The following COIL variants were observed in gnomAD, a reference collection of about 807,000 sequenced individuals.
COIL encodes coilin p80.
A neutral mutation model predicts 51.6 loss-of-function variants in COIL; 28 were observed. That is an observed-to-expected ratio of 0.54 (90% confidence interval 0.40 to 0.74). The LOEUF (loss-of-function observed/expected upper bound fraction) is 0.74, where lower values mean the gene tolerates loss of function less well. Ranked by LOEUF, COIL falls within the 30% of genes least tolerant of loss-of-function variation. COIL has a pLI of 0.00. For missense variants in COIL, 667 were observed against 685.9 expected (o/e 0.97, Z 0.31); for synonymous variants, 233 against 255.8 (o/e 0.91, Z 0.85).
chr17:56,954,837 A>G (rs1168775371), intron 1 of COIL, among the ~76,000 whole-genome samples: 1 of 151,956 alleles, frequency 6.6e-6, no homozygotes, highest in African/African-American at 2.4e-5. Context: ...TAAGATTGAG[A>G]GGCAAAATAC....
In COIL at chr17:56,949,944, T is replaced by C; in HGVS notation, c.1298A>G (p.Asn433Ser). 1 of 1,614,074 alleles carries C rather than the reference T, an allele frequency of 6.2e-7. No homozygotes were observed. Among genetic ancestry groups the C allele is most frequent in the South Asian group, 1.1e-5 (1 of 91,078 alleles). Residue 433 changes from asparagine (N) to serine (S), a missense_variant, in exon 2 of 7, where the codon AAC (asparagine) becomes AGC (serine). Transcript: ENST00000240316. ...VSCVVNRSTD[N>S]QRQQQLNDVV... The stretch of plus-strand genomic sequence containing the variant: ...GTCATTTAATTGCTGTTGCCTCTGG[T>C]TGTCAGTGCTTCTATTTACAACACA...
Position 56,960,804 on chromosome 17 carries a change from C to A in COIL, c.216G>T (p.Ala72=), listed in dbSNP as rs1157729666. 3 of 1,591,836 alleles carry A rather than the reference C, an allele frequency of 1.9e-6. No individual in the cohort carries two copies. Among genetic ancestry groups the A allele is most frequent in the South Asian group, 2.3e-5 (2 of 88,596 alleles). ...EGGLLPPAES[A]RLVRDNDCLR... ...GGCAGTCGTTGTCTCTCACAAGGCG[C>A]GCGCTCTCGGCGGGGGGCAAGAGCC... The change falls in exon 1 of 7, where the codon GCG becomes GCT. Residue 72 remains alanine, a synonymous_variant. Transcript: ENST00000240316.
intron 1 of COIL, chr17:56,952,280 A>T (rs971603834): frequency 4.1e-6 from 2 of 485,824 alleles, no homozygotes; most frequent in African/African-American, 3.9e-5. Flanking sequence ...GAAAAATGGC[A>T]GAATAACCTG....
chr17:56,948,994 C>T (rs140605543), intron 4 of COIL, among the ~76,000 whole-genome samples: 1 of 152,140 alleles, frequency 6.6e-6, no homozygotes, highest in Non-Finnish European at 1.5e-5. Context: ...ATTAAACTGG[C>T]TGGGCATAGT....
chr17:56,944,883 G>A (rs565147063), intron 5 of COIL, among the ~76,000 whole-genome samples: 21 of 152,128 alleles, frequency 1.4e-4, no homozygotes, highest in African/African-American at 4.6e-4. Context: ...CGGGCATGGC[G>A]GCCAGCGCCT....
intron 6 of COIL, 46 bp from the exon 7 acceptor site, chr17:56,939,200 G>T: frequency 1.0e-6 from 1 of 998,304 alleles, no homozygotes; most frequent in Non-Finnish European, 1.6e-6. Context: ...TCATTTTGAG[G>T]TCATACCGGT....
rs2144395192 is a variant in COIL, at chr17:56,946,457, G to T, written c.1543C>A (p.Leu515Ile). Reference protein sequence around the residue: ...PETQQVDIEILSSLPALREPG... With the variant: ...PETQQVDIEIISSLPALREPG... ...AAAGACTCACCAGGTAAGGATGAAAGAATTTCTATATCTACTTGCTGGGTC... is the reference window on the plus strand; with the variant it reads ...AAAGACTCACCAGGTAAGGATGAAATAATTTCTATATCTACTTGCTGGGTC... Residue 515 changes from leucine (L) to isoleucine (I), a missense_variant, in exon 5 of 7, where the codon CTT becomes ATT. By Grantham distance (5) the Leu-to-Ile change is conservative. Coordinates refer to ENST00000240316, the MANE Select transcript of COIL (RefSeq NM_004645.3). 2 of 1,608,592 alleles carry T rather than the reference G, an allele frequency of 1.2e-6. No individual in the cohort carries two copies. Among genetic ancestry groups the T allele is most frequent in the East Asian group, 2.2e-5 (1 of 44,816 alleles).
intron 5 of COIL, among the ~76,000 whole-genome samples, chr17:56,943,685 G>T (rs1258726803): frequency 6.6e-6 from 1 of 152,152 alleles, no homozygotes; most frequent in South Asian, 2.1e-4. Context: ...TGTTATTTAT[G>T]TTATATAGTG....
At chr17:56,953,287 T>C (rs1910413673) in intron 1 of COIL, among the ~76,000 whole-genome samples, 1 of 151,656 alleles carries the variant, frequency 6.6e-6, no homozygotes, top group African/African-American at 2.4e-5. Context: ...GGCGGGCGCC[T>C]GTAGTCCCAG....
intron 1 of COIL, among the ~76,000 whole-genome samples, chr17:56,954,523 C>T (rs1413634501): frequency 6.6e-6 from 1 of 151,492 alleles, no homozygotes; most frequent in Non-Finnish European, 1.5e-5. Flanking sequence ...ATCACGCCAC[C>T]GCACTCCAGC....
intron 1 of COIL, among the ~76,000 whole-genome samples, chr17:56,953,328 G>C (rs7226124): frequency 6.7e-6 from 1 of 149,604 alleles, no homozygotes; most frequent in South Asian, 2.1e-4. Context: ...GGAGAATGGC[G>C]TGAACCTGGG....
In COIL at chr17:56,950,371, C is replaced by G. The variant is rs113247334; in HGVS notation, c.871G>C (p.Ala291Pro). The G allele has an allele frequency of 6.2e-7, 1 of 1,614,178 alleles. No homozygotes were observed. The highest frequency in any genetic ancestry group is 1.3e-5 in the African/African-American group (1 of 75,048). Reference sequence around the variant, plus strand: ...CCAAGTTTTATAGCCAGTTTGTCTGCAGTTGTATTTTTGGTAGAGGGTTCT... The same window carrying G: ...CCAAGTTTTATAGCCAGTTTGTCTGGAGTTGTATTTTTGGTAGAGGGTTCT... ...KEEPSTKNTTADKLAIKLGFS... is the reference protein window; with the variant it reads ...KEEPSTKNTTPDKLAIKLGFS... The change falls in exon 2 of 7, where the codon GCA becomes CCA. Residue 291 changes from alanine to proline, a missense_variant. By Grantham distance (27) the Ala-to-Pro change is conservative (BLOSUM62 -1). Transcript: ENST00000240316.
chr17:56,949,819 T>C, intron 2 of COIL, 52 bp from the exon 3 acceptor site: 2 of 1,611,354 alleles, frequency 1.2e-6, no homozygotes, highest in Non-Finnish European at 1.7e-6. Flanking sequence ...AAAATGTGAA[T>C]CCATGACATG....
chr17:56,948,863 GA>G (rs1261927881), intron 4 of COIL, among the ~76,000 whole-genome samples: 18 of 151,090 alleles, frequency 1.2e-4, no homozygotes, highest in Admixed American at 1.1e-3. Context: ...TTCCCATGAT[GA>G]AAATAATCAA....
intron 1 of COIL, among the ~76,000 whole-genome samples, chr17:56,955,406 G>T (rs1910464680): frequency 6.6e-6 from 1 of 152,086 alleles, no homozygotes; most frequent in African/African-American, 2.4e-5. Flanking sequence ...CAAACTGAGT[G>T]GTATTATCAA....
At chr17:56,958,466 C>T (rs1269702696) in intron 1 of COIL, among the ~76,000 whole-genome samples, 1 of 152,220 alleles carries the variant, frequency 6.6e-6, no homozygotes, top group Admixed American at 6.5e-5. Context: ...GCCCATTTGC[C>T]ACTGAAGCCA....
Position 56,939,168 on chromosome 17 carries a change from C to T in COIL, c.1648-14G>A. ...AAATACAGTGATCTGAGGAAAAAGA[C>T]AAAATACCCAGTTTAGGCACTTCAT... On this transcript the variant is annotated splice_polypyrimidine_tract_variant and intron_variant, in intron 6 of 6. Transcript: ENST00000240316. 7.0e-7 allele frequency: 1 copy of T among 1,436,518 alleles called. No individual in the cohort carries two copies. The highest frequency in any genetic ancestry group is 9.8e-7 in the Non-Finnish European group (1 of 1,019,632). 89.0% of individuals were successfully genotyped at this position (1,436,518 alleles called of 1,614,324 possible).
At chr17:56,958,754 T>TATTTAA (rs1910526635) in intron 1 of COIL, among the ~76,000 whole-genome samples, 1 of 152,132 alleles carries the variant, frequency 6.6e-6, no homozygotes, top group South Asian at 2.1e-4. Context: ...AATCCTTGAA[T>TATTTAA]TGCAGAGAGA....
At chr17:56,944,701 C>A (rs1910211737) in intron 5 of COIL, among the ~76,000 whole-genome samples, 3 of 151,992 alleles carry the variant, frequency 2.0e-5, no homozygotes, top group Non-Finnish European at 2.9e-5. Flanking sequence ...TTAGCTGAAT[C>A]TTTTATTCAA....
Sources: gnomAD v4.1 joint callset for allele counts (sites outside exome capture counted in the v4.1 genomes callset) on GRCh38, gnomAD v4.1.1 for gene constraint, MANE v1.5 for transcripts, NCBI Gene and HGNC (gene_info 2026-07-23, HGNC 2026-07-21) for gene names.